The following TENM4 variants were observed in gnomAD, a reference collection of about 807,000 sequenced individuals.
The protein encoded by TENM4 is teneurin transmembrane protein 4.
A neutral mutation model predicts 243.3 loss-of-function variants in TENM4; 82 were observed. The ratio of observed to expected loss-of-function variants is 0.34; its 90% CI spans 0.28 to 0.40. The LOEUF (loss-of-function observed/expected upper bound fraction) is 0.40. Ranked by LOEUF, TENM4 falls within the 10% of genes least tolerant of loss-of-function variation. The pLI, the probability that TENM4 is intolerant of heterozygous loss-of-function variation, is 1.00. For synonymous variants in TENM4, 1,412 were observed against 1,456.3 expected (o/e 0.97, Z 0.69); for missense variants, 3,138 against 3,673.3 (o/e 0.85, Z 3.77).
chr11:78,958,575 C>T (rs1375519270), intron 6 of TENM4, among the ~76,000 whole-genome samples: 1 of 152,232 alleles, frequency 6.6e-6, no homozygotes, highest in East Asian at 1.9e-4. Flanking sequence ...TGTGATACCC[C>T]ACGGTCCTCT....
intron 12 of TENM4, among the ~76,000 whole-genome samples, chr11:78,847,273 C>T (rs1019450976): frequency 4.6e-5 from 7 of 152,302 alleles, no homozygotes; most frequent in South Asian, 2.1e-4. Context: ...TGCTTGGTTC[C>T]TGCAGTGTCC....
chr11:78,761,872 C>A (rs58137068), intron 18 of TENM4, among the ~76,000 whole-genome samples: 1,572 of 152,220 alleles, frequency 0.01, 22 homozygotes, highest in African/African-American at 0.036. Flanking sequence ...TGTCTGCTGA[C>A]TCTGAAATTA....
chr11:78,990,325 G>A (rs1405795408), intron 6 of TENM4, among the ~76,000 whole-genome samples: 2 of 152,108 alleles, frequency 1.3e-5, no homozygotes, highest in Non-Finnish European at 2.9e-5. Context: ...TGCTCAGCTT[G>A]GGGTCGCCTG....
At chr11:78,660,391 T>C (rs571916180) in intron 33 of TENM4, among the ~76,000 whole-genome samples, 18 of 152,244 alleles carry the variant, frequency 1.2e-4, no homozygotes, top group African/African-American at 4.3e-4. Context: ...TGCTGGGTAC[T>C]AAATGAGACC....
At position 78,953,414 on chromosome 11, in the gene TENM4, G is replaced by A. The variant is rs145608844; in HGVS notation, c.494-49891C>T. On this transcript the variant is annotated intron_variant, in intron 6 of 33. Transcript: ENST00000278550. ...ATCTGCTTGCCTCCCAGGAGTATCT[G>A]GCCAAAAACTTTTGGGGTCCAGAAA... Among the ~76,000 whole-genome samples, 469 of 152,208 alleles carry A rather than the reference G, an allele frequency of 3.1e-3. 4 individuals are homozygous for A. The highest frequency in any genetic ancestry group is 5.2e-3 in the Admixed American group (79 of 15,296).
intron 4 of TENM4, among the ~76,000 whole-genome samples, chr11:79,094,408 A>C (rs745392830): frequency 6.6e-6 from 1 of 152,150 alleles, no homozygotes; most frequent in Admixed American, 6.5e-5. Context: ...CCAAGACCCC[A>C]TGCCTAGGAA....
At chr11:79,358,621 GCCTGCCTGCCTTCCTTCCCT>G (rs1190243308) in intron 1 of TENM4, among the ~76,000 whole-genome samples, 20 of 151,176 alleles carry the variant, frequency 1.3e-4, no homozygotes, top group Non-Finnish European at 2.2e-4. Context: ...CTCCCTTCCT[GCCTGCCTGCCTTCCTTCCCT>G]CCTGCCTGCC....
intron 12 of TENM4, among the ~76,000 whole-genome samples, chr11:78,830,178 T>C (rs968503530): frequency 6.6e-6 from 1 of 152,222 alleles, no homozygotes; most frequent in African/African-American, 2.4e-5. Context: ...TTTAAAGATC[T>C]AGCCTATTCC....
At chr11:78,813,686 C>T (rs1857546535) in intron 13 of TENM4, among the ~76,000 whole-genome samples, 1 of 152,152 alleles carries the variant, frequency 6.6e-6, no homozygotes, top group Admixed American at 6.5e-5. Context: ...AAATGATGGC[C>T]AAAAGCATGG....
At chr11:79,395,774 T>C (rs1050475589) in intron 1 of TENM4, among the ~76,000 whole-genome samples, 1 of 152,202 alleles carries the variant, frequency 6.6e-6, no homozygotes, top group Admixed American at 6.5e-5. Context: ...GGGGGGATTT[T>C]GAGTTTGAAT....
intron 6 of TENM4, among the ~76,000 whole-genome samples, chr11:79,052,554 TAGTG>T (rs1269508130): frequency 6.6e-6 from 1 of 152,092 alleles, no homozygotes; most frequent in Non-Finnish European, 1.5e-5. Flanking sequence ...ATATAATAAA[TAGTG>T]AGCATTACTC....
At chr11:79,052,538 G>GT (rs1413261649) in intron 6 of TENM4, among the ~76,000 whole-genome samples, 2 of 152,212 alleles carry the variant, frequency 1.3e-5, no homozygotes, top group African/African-American at 2.4e-5. Context: ...CTGGTTCACT[G>GT]TAAGTATATA....
chr11:78,951,406 G>C, intron 6 of TENM4, among the ~76,000 whole-genome samples: 1 of 152,206 alleles, frequency 6.6e-6, no homozygotes, highest in Non-Finnish European at 1.5e-5. Flanking sequence ...GGAGCATTTG[G>C]TTACACACAA....
At chr11:78,817,951 G>C (rs1174689783) in intron 12 of TENM4, among the ~76,000 whole-genome samples, 1 of 152,052 alleles carries the variant, frequency 6.6e-6, no homozygotes, top group African/African-American at 2.4e-5. Context: ...TCTTACACAG[G>C]CTAAGTTACT....
At chr11:79,203,319 T>C (rs923662611) in intron 3 of TENM4, among the ~76,000 whole-genome samples, 7 of 152,234 alleles carry the variant, frequency 4.6e-5, no homozygotes, top group Admixed American at 3.3e-4. Flanking sequence ...CAAGTGTTTA[T>C]AGCAACATTA....
chr11:78,851,624 C>G (rs1005309623), intron 12 of TENM4, among the ~76,000 whole-genome samples: 3 of 152,182 alleles, frequency 2.0e-5, no homozygotes, highest in Non-Finnish European at 2.9e-5. Context: ...TAAGGGAAAT[C>G]AGGCCACGAG....
intron 3 of TENM4, among the ~76,000 whole-genome samples, chr11:79,175,862 A>G (rs1463673522): frequency 6.6e-6 from 1 of 152,152 alleles, no homozygotes; most frequent in Non-Finnish European, 1.5e-5. Context: ...AGGCAGGAAG[A>G]TCACTTGAGC....
intron 5 of TENM4, among the ~76,000 whole-genome samples, chr11:79,066,029 G>A (rs774632719): frequency 3.1e-4 from 47 of 152,194 alleles, no homozygotes; most frequent in Admixed American, 9.2e-4. Context: ...GTTATAATCA[G>A]GCAGAACCCA....
chr11:78,926,043 T>C (rs1341228216), intron 6 of TENM4, among the ~76,000 whole-genome samples: 2 of 152,158 alleles, frequency 1.3e-5, no homozygotes, highest in Non-Finnish European at 1.5e-5. Flanking sequence ...TATAATATTA[T>C]GATAGAGTTC....
Sources: gnomAD v4.1 joint callset for allele counts (sites outside exome capture counted in the v4.1 genomes callset) on GRCh38, gnomAD v4.1.1 for gene constraint, MANE v1.5 for transcripts, NCBI Gene and HGNC (gene_info 2026-07-23, HGNC 2026-07-21) for gene names.